The following PLA2G2C variants were observed in gnomAD, a reference collection of about 807,000 sequenced individuals.
PLA2G2C encodes phospholipase A2 group IIC.
A neutral mutation model predicts 14.3 loss-of-function variants in PLA2G2C; 15 were observed. The observed-to-expected ratio is 1.05, with a 90% confidence interval of 0.70 to 1.62. The LOEUF is 1.62. PLA2G2C is among the 40% of genes most tolerant of loss of function. The pLI is 0.00. For synonymous variants in PLA2G2C, 79 were observed against 67.7 expected, an observed-to-expected ratio of 1.17 and a Z score of -0.82; for missense variants, 162 against 173.2, an observed-to-expected ratio of 0.94 and a Z score of 0.36.
chr1:20,164,279 C>G, intron 4 of PLA2G2C, 122 bp from the exon 5 acceptor site: 1 of 974,570 alleles, frequency 1.0e-6, no homozygotes. Context: ...AGGAAAGCCA[C>G]TGAAAGGGAT....
intron 1 of PLA2G2C, among the ~76,000 whole-genome samples, chr1:20,177,783 C>T (rs971879236): frequency 8.5e-5 from 13 of 152,274 alleles, no homozygotes; most frequent in African/African-American, 2.6e-4. Flanking sequence ...AAATCCCACA[C>T]AGGAATTCCT....
At position 20,174,991 on chromosome 1, in the gene PLA2G2C, G is replaced by C. The variant is rs377145024; in HGVS notation, c.179+16C>G. Reference sequence around the variant, plus strand: ...GCAAAACAAATGATAAGTGGCCTTAGAGCCTCTGCACCCACCTGTCAGTGT... The same window carrying C: ...GCAAAACAAATGATAAGTGGCCTTACAGCCTCTGCACCCACCTGTCAGTGT... On this transcript the variant is annotated intron_variant, in intron 3 of 4. Coordinates refer to ENST00000679259, the MANE Select transcript of PLA2G2C (RefSeq NM_001367969.2). 1.8e-5 allele frequency: 29 copies of C among 1,603,356 alleles called. No individual in the cohort carries two copies. In the African/African-American group the frequency reaches 3.8e-4, roughly 21 times the overall value.
At chr1:20,184,989 C>T (rs1409740831) in intron 1 of PLA2G2C, among the ~76,000 whole-genome samples, 1 of 151,932 alleles carries the variant, frequency 6.6e-6, no homozygotes, top group African/African-American at 2.4e-5. Context: ...CCCCATTCTA[C>T]AAAAAATAAT....
intron 3 of PLA2G2C, 124 bp downstream of exon 3, chr1:20,174,883 T>C: frequency 9.8e-7 from 1 of 1,015,238 alleles, no homozygotes; most frequent in Non-Finnish European, 1.4e-6. Context: ...CAGTTCTTCC[T>C]TCCATTAGCC....
At chr1:20,167,358 G>T (rs1341492956) in intron 4 of PLA2G2C, among the ~76,000 whole-genome samples, 1 of 152,140 alleles carries the variant, frequency 6.6e-6, no homozygotes, top group Non-Finnish European at 1.5e-5. Context: ...TTCATCATCA[G>T]CTCTCCCCCC....
At chr1:20,164,310 ATG>A (rs1232621232) in intron 4 of PLA2G2C, among the ~76,000 whole-genome samples, 153 bp from the exon 5 acceptor site, 4 of 152,122 alleles carry the variant, frequency 2.6e-5, no homozygotes, top group East Asian at 1.9e-4. Context: ...ATATGTGTGC[ATG>A]TGTGTGTGTG....
chr1:20,173,600 C>A (rs2018128596), intron 3 of PLA2G2C, among the ~76,000 whole-genome samples: 2 of 152,172 alleles, frequency 1.3e-5, no homozygotes, highest in Non-Finnish European at 2.9e-5. Context: ...TCTGAGGAGA[C>A]AACTGTCTGT....
At chr1:20,173,451 A>G (rs974220328) in intron 3 of PLA2G2C, among the ~76,000 whole-genome samples, 1 of 152,182 alleles carries the variant, frequency 6.6e-6, no homozygotes, top group Non-Finnish European at 1.5e-5. Context: ...TTTGTAGGGG[A>G]GGGACTGAGA....
Position 20,163,943 on chromosome 1 carries a change from G to A in PLA2G2C, c.*48C>T. 1 of 1,559,222 alleles carries A rather than the reference G, an allele frequency of 6.4e-7. No homozygotes were observed. The highest frequency in any genetic ancestry group is 8.7e-7 in the Non-Finnish European group (1 of 1,150,548). Reference sequence around the variant, plus strand: ...TGATCTGAGAAGGCTTCCTGGAAGAGCAACACTAGAGCGGATGCTGGATGA... The same window carrying A: ...TGATCTGAGAAGGCTTCCTGGAAGAACAACACTAGAGCGGATGCTGGATGA... On this transcript the variant is annotated 3_prime_UTR_variant, in exon 5 of 5. Transcript: ENST00000679259.
Position 20,163,856 on chromosome 1 carries a change from A to G in PLA2G2C, c.*135T>C. The G allele has an allele frequency of 2.0e-6, 2 of 994,968 alleles. No homozygotes were observed. The highest frequency in any genetic ancestry group is 2.9e-6 in the Non-Finnish European group (2 of 695,920). The allele number at this position is 994,968 out of a possible 1,614,324, so 61.6% of individuals were successfully genotyped here. On this transcript the variant is annotated 3_prime_UTR_variant, in exon 5 of 5. Transcript: ENST00000679259. ...CCCTTGGTCAGAATGCTGAAGGGTG[A>G]GCTGCCCTGCGGGAGACATTTTGTC...
intron 4 of PLA2G2C, among the ~76,000 whole-genome samples, chr1:20,171,907 G>A (rs933129629): frequency 6.6e-5 from 10 of 151,146 alleles, no homozygotes; most frequent in African/African-American, 1.2e-4. Flanking sequence ...GACTACAGGC[G>A]CCCACCATCA....
chr1:20,167,979 T>C (rs2018005435), intron 4 of PLA2G2C, among the ~76,000 whole-genome samples: 1 of 152,260 alleles, frequency 6.6e-6, no homozygotes, highest in Admixed American at 6.5e-5. Context: ...TGTGGTCTCT[T>C]GTTCTTTTTG....
chr1:20,169,333 A>T (rs2018032086), intron 4 of PLA2G2C, among the ~76,000 whole-genome samples: 1 of 152,072 alleles, frequency 6.6e-6, no homozygotes, highest in African/African-American at 2.4e-5. Context: ...ATGCACCACC[A>T]CATCTGGCTA....
intron 4 of PLA2G2C, among the ~76,000 whole-genome samples, chr1:20,167,770 G>A (rs1459478957): frequency 6.6e-6 from 1 of 152,086 alleles, no homozygotes; most frequent in East Asian, 1.9e-4. Flanking sequence ...CTTCCCCAAG[G>A]CTCCTCTGCT....
At chr1:20,181,297 T>C (rs2018275724) in intron 1 of PLA2G2C, among the ~76,000 whole-genome samples, 1 of 151,998 alleles carries the variant, frequency 6.6e-6, no homozygotes, top group Admixed American at 6.6e-5. Flanking sequence ...ATAAAAACAA[T>C]AACTGCAACC....
At chr1:20,178,516 G>A (rs2018225652) in intron 1 of PLA2G2C, among the ~76,000 whole-genome samples, 1 of 152,186 alleles carries the variant, frequency 6.6e-6, no homozygotes, top group Non-Finnish European at 1.5e-5. Context: ...GATGCTGCGA[G>A]GTCGGGCCCT....
intron 4 of PLA2G2C, among the ~76,000 whole-genome samples, chr1:20,171,431 C>T (rs1430228527): frequency 2.0e-5 from 3 of 152,132 alleles, no homozygotes; most frequent in Non-Finnish European, 4.4e-5. Context: ...TGCAGGGGTC[C>T]GAGCCCCCAA....
chr1:20,177,178 C>T (rs1467445195), intron 2 of PLA2G2C, 146 bp downstream of exon 2: 7 of 677,388 alleles, frequency 1.0e-5, no homozygotes, highest in East Asian at 2.7e-5. Flanking sequence ...AGCAAGAGGA[C>T]GTTGGTGGGA....
intron 2 of PLA2G2C, among the ~76,000 whole-genome samples, chr1:20,175,451 G>A (rs749427107): frequency 1.8e-4 from 27 of 152,186 alleles, no homozygotes; most frequent in Non-Finnish European, 3.4e-4. Context: ...CACAGTTCTA[G>A]GCAGAACACC....
Sources: gnomAD v4.1 joint callset for allele counts (sites outside exome capture counted in the v4.1 genomes callset) on GRCh38, gnomAD v4.1.1 for gene constraint, MANE v1.5 for transcripts, NCBI Gene and HGNC (gene_info 2026-07-23, HGNC 2026-07-21) for gene names.